VRK2: variants seen among roughly 807,000 people sequenced by gnomAD.
The protein encoded by VRK2 is VRK serine/threonine kinase 2, also known as serine/threonine-protein kinase VRK2.
In VRK2, 60 loss-of-function variants were observed where a neutral mutation model predicts 57.6. The ratio of observed to expected loss-of-function variants is 1.04; its 90% CI spans 0.85 to 1.29. The LOEUF is 1.29. Among genes scored for constraint, VRK2 ranks in the 50% most tolerant of loss-of-function variants. The pLI is 0.00. For missense variants in VRK2, 705 were observed against 588.1 expected, an observed-to-expected ratio of 1.20 and a Z score of -2.06; for synonymous variants, 231 against 199.2, an observed-to-expected ratio of 1.16 and a Z score of -1.35.
intron 1 of VRK2, among the ~76,000 whole-genome samples, chr2:57,954,029 A>T (rs946725492): frequency 2.1e-4 from 32 of 152,204 alleles, no homozygotes; most frequent in African/African-American, 7.5e-4. Context: ...TGTCCTCCCA[A>T]CATTCCAGCA....
At chr2:58,116,150 C>T (rs1676439002) in intron 7 of VRK2, among the ~76,000 whole-genome samples, 2 of 152,170 alleles carry the variant, frequency 1.3e-5, no homozygotes, top group African/African-American at 4.8e-5. Context: ...TTAAAGCATG[C>T]TGTGGGATGG....
At position 57,921,230 on chromosome 2, in the gene VRK2, G is replaced by A. The variant is rs866249235; in HGVS notation, c.-439+13391G>A. ...CAGTTGTACCGTGTCAACCTCTGGA[G>A]AAGGCATCTAAGTAATTCCATTTTA... On this transcript the variant is annotated intron_variant, in intron 1 of 15. Transcript: ENST00000417641. Among the ~76,000 whole-genome samples the A allele has an allele frequency of 7.2e-5, 11 of 152,076 alleles. No individual in the cohort carries two copies. The South Asian group carries it at 1.5e-3, about 20-fold the overall frequency.
intron 1 of VRK2, among the ~76,000 whole-genome samples, chr2:57,987,390 T>A (rs1400411858): frequency 6.6e-6 from 1 of 152,176 alleles, no homozygotes; most frequent in Non-Finnish European, 1.5e-5. Context: ...ATGGCAAATA[T>A]GCACATGAAA....
intron 7 of VRK2, among the ~76,000 whole-genome samples, chr2:58,091,922 G>A (rs890474970): frequency 1.3e-5 from 2 of 152,096 alleles, no homozygotes; most frequent in Non-Finnish European, 2.9e-5. Context: ...GCTGATAAAG[G>A]TACCAGCACT....
At chr2:58,117,991 G>C (rs559487395) in intron 7 of VRK2, among the ~76,000 whole-genome samples, 5 of 152,268 alleles carry the variant, frequency 3.3e-5, no homozygotes, top group African/African-American at 7.2e-5. Context: ...GGGGCACAGA[G>C]ATAAGAGGTT....
At chr2:57,941,198 T>G (rs1355503007) in intron 1 of VRK2, among the ~76,000 whole-genome samples, 1 of 152,160 alleles carries the variant, frequency 6.6e-6, no homozygotes, top group African/African-American at 2.4e-5. Context: ...TCCTCTAAAC[T>G]AAGAAATCTG....
intron 8 of VRK2, among the ~76,000 whole-genome samples, chr2:58,126,864 C>G (rs1678428567): frequency 6.6e-6 from 1 of 151,898 alleles, no homozygotes; most frequent in African/African-American, 2.4e-5. Context: ...TGGTTACATT[C>G]TTAGTAATGT....
chr2:57,985,852 G>A (rs1453806923), intron 1 of VRK2, among the ~76,000 whole-genome samples: 2 of 151,858 alleles, frequency 1.3e-5, no homozygotes, highest in African/African-American at 4.8e-5. Context: ...CAAGCACAAA[G>A]AATGCAAAGT....
At chr2:58,157,175 A>T (rs766046602) in intron 12 of VRK2, among the ~76,000 whole-genome samples, 7 of 151,888 alleles carry the variant, frequency 4.6e-5, no homozygotes, top group Non-Finnish European at 1.0e-4. Flanking sequence ...TTTGTTTTCT[A>T]TTATTTATTT....
intron 1 of VRK2, among the ~76,000 whole-genome samples, chr2:57,949,698 C>CT (rs1273246897): frequency 6.6e-6 from 1 of 152,158 alleles, no homozygotes; most frequent in African/African-American, 2.4e-5. Flanking sequence ...AGTTATATGT[C>CT]TGTCACTTTA....
intron 1 of VRK2, among the ~76,000 whole-genome samples, chr2:57,994,606 C>CAAGA (rs1414206959): frequency 6.6e-6 from 1 of 152,116 alleles, no homozygotes; most frequent in Non-Finnish European, 1.5e-5. Context: ...TCTTTGCAGG[C>CAAGA]AAGAAGTCAA....
At chr2:58,115,517 T>C (rs2104439891) in intron 7 of VRK2, among the ~76,000 whole-genome samples, 1 of 151,082 alleles carries the variant, frequency 6.6e-6, no homozygotes, top group Admixed American at 6.6e-5. Flanking sequence ...CATGCAGACA[T>C]GAGGGCTAGG....
intron 1 of VRK2, among the ~76,000 whole-genome samples, chr2:58,000,207 A>G (rs750186175): frequency 2.6e-4 from 40 of 152,222 alleles, no homozygotes; most frequent in Non-Finnish European, 2.9e-5. Flanking sequence ...ATACTGTGTG[A>G]TAAGTACTCT....
intron 11 of VRK2, among the ~76,000 whole-genome samples, chr2:58,146,044 C>G (rs1482608141): frequency 6.6e-6 from 1 of 151,950 alleles, no homozygotes; most frequent in East Asian, 1.9e-4. Context: ...TGGGTTGGTT[C>G]CAAGTCTTTG....
intron 2 of VRK2, among the ~76,000 whole-genome samples, chr2:58,066,492 T>C (rs1021232638): frequency 6.6e-6 from 1 of 152,178 alleles, no homozygotes; most frequent in Non-Finnish European, 1.5e-5. Context: ...CTTTCCATCT[T>C]TGTTAAGGAG....
At chr2:58,018,467 CAG>C (rs1673653246) in intron 1 of VRK2, among the ~76,000 whole-genome samples, 2 of 152,090 alleles carry the variant, frequency 1.3e-5, no homozygotes. Flanking sequence ...CCATTTGTAG[CAG>C]AGAATTTTAG....
intron 1 of VRK2, among the ~76,000 whole-genome samples, chr2:57,930,507 T>C (rs1670685884): frequency 6.6e-6 from 1 of 152,220 alleles, no homozygotes; most frequent in South Asian, 2.1e-4. Context: ...CTTTCTGTGA[T>C]ACAAAGTTAA....
chr2:58,012,785 A>G (rs1359302620), intron 1 of VRK2, among the ~76,000 whole-genome samples: 1 of 152,152 alleles, frequency 6.6e-6, no homozygotes, highest in Admixed American at 6.5e-5. Context: ...GACCAAATCT[A>G]TTTTTCATTA....
intron 1 of VRK2, among the ~76,000 whole-genome samples, chr2:57,967,891 T>C (rs944466081): frequency 6.6e-6 from 1 of 152,132 alleles, no homozygotes. Flanking sequence ...GCAAGACGTT[T>C]CTTCATTCAA....
Sources: allele counts gnomAD v4.1 joint callset (sites outside exome capture counted in the v4.1 genomes callset), GRCh38; gene constraint gnomAD v4.1.1; transcripts MANE v1.5; gene names NCBI Gene and HGNC (gene_info 2026-07-23, HGNC 2026-07-21).